Variants in CARMIL2 observed in about 807,000 individuals in gnomAD.
The protein encoded by CARMIL2 is capping protein, Arp2/3 and myosin-I linker protein 2.
Under a neutral mutation model 173.3 loss-of-function variants are expected in CARMIL2, and 96 were observed. The observed-to-expected ratio is 0.55, with a 90% confidence interval of 0.47 to 0.66. The LOEUF is 0.66. Among genes scored for constraint, CARMIL2 ranks in the 30% least tolerant of loss-of-function variants. The pLI, the probability that CARMIL2 is intolerant of heterozygous loss-of-function variation, is 0.00. For synonymous variants in CARMIL2, 830 were observed against 817.1 expected (o/e 1.02, Z -0.27); for missense variants, 1,771 against 1,906.7 (o/e 0.93, Z 1.33).
chr16:67,657,455 C>T lies in CARMIL2; in HGVS notation c.4245C>T (p.Ser1415=). Residue 1415 remains serine (S), a synonymous_variant, in exon 38 of 38, where the codon TCC becomes TCT. Transcript: ENST00000334583. This position sits in a 1 kb window ranked among gnomAD's most constrained non-coding sequence, Gnocchi z 4.5. ...EPLPPQPTEP[S]SPERSPPSPA... Reference sequence around the variant, plus strand: ...TGCCCCCACAGCCCACAGAGCCCTCCAGCCCTGAGCGGAGCCCACCCTCCC... The same window carrying T: ...TGCCCCCACAGCCCACAGAGCCCTCTAGCCCTGAGCGGAGCCCACCCTCCC... 1 of 1,611,238 alleles carries T rather than the reference C, an allele frequency of 6.2e-7. No individual in the cohort carries two copies. The highest frequency in any genetic ancestry group is 2.2e-5 in the East Asian group (1 of 44,750).
intron 31 of CARMIL2, 26 bp from the exon 32 acceptor site, chr16:67,654,752 T>A: frequency 6.2e-7 from 1 of 1,612,672 alleles, no homozygotes. Context: ...GCGGACTGTC[T>A]CCAACTCGAG....
chr16:67,656,548 T>C lies in CARMIL2; in HGVS notation c.3939T>C (p.Pro1313=), dbSNP rs8044797. 3,248 of 1,613,150 alleles carry C rather than the reference T, an allele frequency of 2.0e-3. 60 individuals are homozygous for C. The African/African-American group carries it at 0.039, about 19-fold the overall frequency. The change falls in exon 35 of 38, where the codon CCT becomes CCC. Residue 1313 remains proline (P), a synonymous_variant. Transcript: ENST00000334583. ...GGGGCCAACAGGATGGTCCAGGCCC[T>C]CCCTCCCCTGGTCAAAGCCCAAGTC... ...RGWGQQDGPG[P]PSPGQSPSPC... is the part of the protein sequence containing the mutation.
rs201161546 is a variant in CARMIL2, at chr16:67,650,041, G to T, written c.2083-8G>T. 1.9e-6 allele frequency: 3 copies of T among 1,613,678 alleles called. No individual in the cohort carries two copies. The highest frequency in any genetic ancestry group is 2.5e-6 in the Non-Finnish European group (3 of 1,179,792). The stretch of plus-strand genomic sequence containing the variant: ...CCCTCGGCATTTCTCAATACCCCTT[G>T]CCCCTAGATCCAAGCCTGTCTCTTG... On this transcript the variant is annotated splice_region_variant and splice_polypyrimidine_tract_variant and intron_variant, in intron 21 of 37. Coordinates refer to ENST00000334583, the MANE Select transcript of CARMIL2 (RefSeq NM_001013838.3).
At position 67,651,303 on chromosome 16, in the gene CARMIL2, C is replaced by T. The variant is rs771801263; in HGVS notation, c.2301C>T (p.Asn767=). 5.0e-6 allele frequency: 8 copies of T among 1,613,602 alleles called. No homozygotes were observed. The highest frequency in any genetic ancestry group is 4.4e-5 in the South Asian group (4 of 91,076). The change falls in exon 23 of 38, where the codon AAC becomes AAT. Residue 767 remains asparagine (N), a synonymous_variant. Coordinates refer to ENST00000334583, the MANE Select transcript of CARMIL2 (RefSeq NM_001013838.3). The surrounding 1 kb of genome is among the most constrained non-coding windows in gnomAD (Gnocchi z 4.2). Reference sequence around the variant, plus strand: ...CCGAGGATGCCATCCAAAATGCCAACTTCTCTCTCAGCGTGAGCACTCCCC... The same window carrying T: ...CCGAGGATGCCATCCAAAATGCCAATTTCTCTCTCAGCGTGAGCACTCCCC... ...RQAEDAIQNA[N]FSLSILPILY... is the part of the protein sequence containing the mutation.
rs1186086641 is a variant in CARMIL2, at chr16:67,649,826, AC to A, written c.1942del (p.His648ThrfsTer20). 2 of 1,612,286 alleles carry A rather than the reference AC, an allele frequency of 1.2e-6. No individual in the cohort carries two copies. Among genetic ancestry groups the A allele is most frequent in the Admixed American group, 3.3e-5 (2 of 59,986 alleles). On this transcript the variant is annotated frameshift_variant, in exon 21 of 38. Transcript: ENST00000334583. LOFTEE classifies it high-confidence loss of function. The surrounding 1 kb of genome is among the most constrained non-coding windows in gnomAD (Gnocchi z 6.7). ...SRLRSVVWDRNHTSALGLLDV... is the reference protein window; with the variant it reads ...SRLRSVVWDRXHTSALGLLDV... ...CCCAGGTCTGTGGTCTGGGACCGGA[AC>A]CACACATCTGCTTTGGGTCTGCTGG...
chr16:67,649,875 G>A lies in CARMIL2; in HGVS notation c.1989G>A (p.Gln663=), dbSNP rs1360480430. 6.2e-7 allele frequency: 1 copy of A among 1,612,676 alleles called. No homozygotes were observed. Among genetic ancestry groups the A allele is most frequent in the East Asian group, 2.2e-5 (1 of 44,892 alleles). The change falls in exon 21 of 38, where the codon CAG becomes CAA. Residue 663 remains glutamine (Q), a synonymous_variant. Coordinates refer to ENST00000334583, the MANE Select transcript of CARMIL2 (RefSeq NM_001013838.3). This position sits in a 1 kb window ranked among gnomAD's most constrained non-coding sequence, Gnocchi z 6.7. ...TGGACGTGGCGCAGGCGCTGGAGCA[G>A]AACCACAGCCTGAAGGCCATGCCTC... ...GLLDVAQALE[Q]NHSLKAMPLP...
Position 67,648,324 on chromosome 16 carries a change from A to AGAAG in CARMIL2, c.1334+10_1334+11insGAAG. The AGAAG allele has an allele frequency of 6.3e-7, 1 of 1,581,756 alleles. No individual in the cohort carries two copies. The highest frequency in any genetic ancestry group is 8.5e-7 in the Non-Finnish European group (1 of 1,172,140). On this transcript the variant is annotated intron_variant, in intron 14 of 37. Transcript: ENST00000334583. The surrounding 1 kb of genome is among the most constrained non-coding windows in gnomAD (Gnocchi z 6.1). ...ACGTCTTCTCCCGCACGTAAGGGGG[A>AGAAG]CCTGTCGGGGCCGGGGGAGGCTGCT...
chr16:67,656,684 C>T (rs1330388402), intron 35 of CARMIL2, 39 bp downstream of exon 35: 12 of 1,573,966 alleles, frequency 7.6e-6, no homozygotes, highest in Middle Eastern at 1.7e-4. Flanking sequence ...ATCCTGGCCT[C>T]GGGGCTGGAG....
chr16:67,652,183 C>T lies in CARMIL2; in HGVS notation c.2677-16C>T. On this transcript the variant is annotated splice_polypyrimidine_tract_variant and intron_variant, in intron 26 of 37. Transcript: ENST00000334583. This position sits in a 1 kb window ranked among gnomAD's most constrained non-coding sequence, Gnocchi z 4.7. ...CTGAGGCCCTACCTGCCATCTTTGG[C>T]TGCTTGGTATTGCAGGTGGAGAGTC... The T allele has an allele frequency of 6.2e-7, 1 of 1,609,758 alleles. No individual in the cohort carries two copies. Among genetic ancestry groups the T allele is most frequent in the South Asian group, 1.1e-5 (1 of 90,994 alleles).
At chr16:67,656,390 G>A (rs1232434738) in intron 34 of CARMIL2, 34 bp from the exon 35 acceptor site, 1 of 1,609,856 alleles carries the variant, frequency 6.2e-7, no homozygotes, top group Non-Finnish European at 8.5e-7. Flanking sequence ...GCCAATGCCT[G>A]ACCAGGTCTT....
chr16:67,648,904 C>T lies in CARMIL2; in HGVS notation c.1521C>T (p.Ala507=), dbSNP rs746328205. The T allele has an allele frequency of 3.7e-6, 6 of 1,606,012 alleles. No individual in the cohort carries two copies. Among genetic ancestry groups the T allele is most frequent in the Admixed American group, 3.4e-5 (2 of 58,968 alleles). The change falls in exon 17 of 38, where the codon GCC becomes GCT. Residue 507 remains alanine, a synonymous_variant. Transcript: ENST00000334583. This position sits in a 1 kb window ranked among gnomAD's most constrained non-coding sequence, Gnocchi z 6.1. ...CCTCCCACATACAGCTGCGCTCGGC[C>T]GGCGCCCAGGTGATACAAGACTTAG... is the stretch of plus-strand genomic sequence containing the variant. ...LDLSACELRS[A]GAQVIQDLVC...
rs184693842 is a variant in CARMIL2, at chr16:67,653,086, G to C, written c.2952G>C (p.Ala984=). ...CGGGAGAAGATGCAGAGCCGCAGGC[G>C]GGGCCGTCCGCGCGCGGCTCTCCGA... is the stretch of plus-strand genomic sequence containing the variant. The part of the protein sequence containing the change: ...AAPGEDAEPQ[A]GPSARGSPSP... The change falls in exon 29 of 38, where the codon GCG becomes GCC. Residue 984 remains alanine, a synonymous_variant. Transcript: ENST00000334583. The surrounding 1 kb of genome is among the most constrained non-coding windows in gnomAD (Gnocchi z 7.4). The C allele has an allele frequency of 9.0e-6, 11 of 1,227,992 alleles. No homozygotes were observed. Among genetic ancestry groups the C allele is most frequent in the Non-Finnish European group, 1.1e-5 (11 of 975,858 alleles). The allele number at this position is 1,227,992 out of a possible 1,614,324, so 76.1% of individuals were successfully genotyped here.
chr16:67,654,031 G>C (rs1389763308), intron 29 of CARMIL2, 118 bp from the exon 30 acceptor site: 6 of 678,554 alleles, frequency 8.8e-6, no homozygotes, highest in Non-Finnish European at 1.5e-5. Context: ...GCAGCCCCTA[G>C]GGTCACCCCA....
chr16:67,654,571 A>T lies in CARMIL2; in HGVS notation c.3461A>T (p.Asp1154Val), dbSNP rs1424413170. The change falls in exon 31 of 38, where the codon GAC becomes GTC. Residue 1154 changes from aspartate to valine, a missense_variant. By Grantham distance (152) the Asp-to-Val change is radical. Coordinates refer to ENST00000334583, the MANE Select transcript of CARMIL2 (RefSeq NM_001013838.3). ...RGEELGGAEG[D>V]TSSPDPAGRS... is the part of the protein sequence containing the mutation. Reference sequence around the variant, plus strand: ...GAGGAGCTTGGTGGGGCTGAGGGGGACACCAGCAGCCCTGACCCTGCCGGC... The same window carrying T: ...GAGGAGCTTGGTGGGGCTGAGGGGGTCACCAGCAGCCCTGACCCTGCCGGC... The T allele has an allele frequency of 1.2e-6, 2 of 1,610,840 alleles. No individual in the cohort carries two copies. The highest frequency in any genetic ancestry group is 1.7e-5 in the Admixed American group (1 of 59,802).
chr16:67,650,039 T>C lies in CARMIL2; in HGVS notation c.2083-10T>C. 6.2e-7 allele frequency: 1 copy of C among 1,613,686 alleles called. No individual in the cohort carries two copies. The highest frequency in any genetic ancestry group is 8.5e-7 in the Non-Finnish European group (1 of 1,179,788). Reference sequence around the variant, plus strand: ...GTCCCTCGGCATTTCTCAATACCCCTTGCCCCTAGATCCAAGCCTGTCTCT... The same window carrying C: ...GTCCCTCGGCATTTCTCAATACCCCCTGCCCCTAGATCCAAGCCTGTCTCT... On this transcript the variant is annotated splice_polypyrimidine_tract_variant and intron_variant, in intron 21 of 37. Coordinates refer to ENST00000334583, the MANE Select transcript of CARMIL2 (RefSeq NM_001013838.3).
At chr16:67,650,179 G>A in intron 22 of CARMIL2, 29 bp downstream of exon 22, 5 of 1,576,684 alleles carry the variant, frequency 3.2e-6, no homozygotes, top group Non-Finnish European at 4.3e-6. Context: ...ACCACGAGAG[G>A]TAGGGCATGA....
chr16:67,657,509 C>A lies in CARMIL2; in HGVS notation c.4299C>A (p.Pro1433=), dbSNP rs771646208. 1 of 1,613,414 alleles carries A rather than the reference C, an allele frequency of 6.2e-7. No homozygotes were observed. The highest frequency in any genetic ancestry group is 2.2e-5 in the East Asian group (1 of 44,846). The stretch of plus-strand genomic sequence containing the variant: ...CCACAGACCAAAGAGGCGGCGGCCC[C>A]AATCCCTGATCCTCTCCTCTCCTGC... ...SPATDQRGGG[P]NP Residue 1433 remains proline (P), a synonymous_variant, in exon 38 of 38, where the codon CCC becomes CCA. Transcript: ENST00000334583. The surrounding 1 kb of genome is among the most constrained non-coding windows in gnomAD (Gnocchi z 4.5).
Position 67,656,405 on chromosome 16 carries a change from GAC to G in CARMIL2, c.3815-16_3815-15del. On this transcript the variant is annotated splice_polypyrimidine_tract_variant and intron_variant, in intron 34 of 37. Coordinates refer to ENST00000334583, the MANE Select transcript of CARMIL2 (RefSeq NM_001013838.3). The stretch of plus-strand genomic sequence containing the variant: ...GCCAATGCCTGACCAGGTCTTGGCT[GAC>G]ACCTTTCTCCCTACAGACCCTTCCT... The G allele has an allele frequency of 1.2e-6, 2 of 1,608,946 alleles. No homozygotes were observed. The highest frequency in any genetic ancestry group is 1.7e-6 in the Non-Finnish European group (2 of 1,176,492).
rs2052749348 is a variant in CARMIL2 at position 67,652,680 on chromosome 16, T to G, written c.2884+142T>G. 2.5e-6 allele frequency: 2 copies of G among 798,878 alleles called. No individual in the cohort carries two copies. Among genetic ancestry groups the G allele is most frequent in the Non-Finnish European group, 4.0e-6 (2 of 499,982 alleles). The allele number at this position is 798,878 out of a possible 1,614,324, so 49.5% of individuals were successfully genotyped here. A position where few individuals can be genotyped will look rare whatever the true frequency, so the allele number is the denominator to read the frequency against. ...TGACTGGGCCAGGTCGGGCCCCTTGTGCAACCTGCAAAGCTGGGGTCTGCT... is the reference window on the plus strand; with the variant it reads ...TGACTGGGCCAGGTCGGGCCCCTTGGGCAACCTGCAAAGCTGGGGTCTGCT... On this transcript the variant is annotated intron_variant, in intron 28 of 37. Coordinates refer to ENST00000334583, the MANE Select transcript of CARMIL2 (RefSeq NM_001013838.3). This position sits in a 1 kb window ranked among gnomAD's most constrained non-coding sequence, Gnocchi z 4.7.
Sources: gnomAD v4.1 joint callset for allele counts on GRCh38, gnomAD v4.1.1 for gene constraint, Gnocchi (gnomAD v3.1) non-coding constraint, MANE v1.5 for transcripts, NCBI Gene and HGNC (gene_info 2026-07-23, HGNC 2026-07-21) for gene names.